Variants in MGST1 observed in about 807,000 individuals in gnomAD.
MGST1 encodes the protein microsomal glutathione S-transferase 1, also known as glutathione S-transferase 12.
A neutral mutation model predicts 8.9 loss-of-function variants in MGST1; 5 were observed. The observed-to-expected ratio is 0.56, with a 90% CI of 0.29 to 1.19. The LOEUF (loss-of-function observed/expected upper bound fraction) is 1.19. Ranked by LOEUF, MGST1 falls within the 50% of genes most tolerant of loss-of-function variation. The pLI, the probability that MGST1 is intolerant of heterozygous loss-of-function variation, is 0.08. For missense variants in MGST1, 182 were observed against 187.4 expected (o/e 0.97, Z 0.17); for synonymous variants, 54 against 67.8 (o/e 0.80, Z 1.00).
downstream of MGST1, chr12:16,438,773 T>C (rs561712420): frequency 6.6e-6 from 1 of 152,032 alleles, no homozygotes; most frequent in Non-Finnish European, 1.5e-5. Flanking sequence ...ACTAACTGTT[T>C]GCATGTCTTA....
intron 4 of MGST1, among the ~76,000 whole-genome samples, chr12:16,577,918 G>A (rs1943044051): frequency 6.6e-6 from 1 of 152,088 alleles, no homozygotes; most frequent in African/African-American, 2.4e-5. Context: ...GACATTTTTA[G>A]ACTAAAATAA....
chr12:16,351,376 G>C (rs1939455879), intron 1 of MGST1, among the ~76,000 whole-genome samples: 1 of 152,286 alleles, frequency 6.6e-6, no homozygotes, highest in Non-Finnish European at 1.5e-5. Flanking sequence ...TGCACTGAGA[G>C]CTAATCTAAC....
At chr12:16,349,326 T>A (rs4149190) in intron 1 of MGST1, among the ~76,000 whole-genome samples, 8,938 of 151,944 alleles carry the variant, frequency 0.059, 426 homozygotes, top group East Asian at 0.21. Flanking sequence ...AGGGCGTTCC[T>A]CAACTGAGAA....
At chr12:16,420,391 T>G (rs1940824813) in intron 1 of MGST1, among the ~76,000 whole-genome samples, 1 of 152,222 alleles carries the variant, frequency 6.6e-6, no homozygotes, top group Admixed American at 6.5e-5. Context: ...CTTATTCTCA[T>G]AATGAACTTT....
In MGST1 at chr12:16,413,924, TACAA is replaced by T. The variant is rs1376113266; in HGVS notation, n.779-23460_779-23457del. On this transcript the variant is annotated intron_variant and non_coding_transcript_variant, in intron 1 of 1. Coordinates refer to the MGST1 transcript ENST00000359720. This position sits in a 1 kb window ranked among gnomAD's most constrained non-coding sequence, Gnocchi z 4.0. The stretch of plus-strand genomic sequence containing the variant: ...ATGTGAATGTATATTATTTTCTTCT[TACAA>T]ACATAATATTAAGGCTTACTTTCTG... Among the ~76,000 whole-genome samples, 1 of 152,190 alleles carries T rather than the reference TACAA, an allele frequency of 6.6e-6. No individual in the cohort carries two copies. Among genetic ancestry groups the T allele is most frequent in the Non-Finnish European group, 1.5e-5 (1 of 68,034 alleles).
intron 1 of MGST1, among the ~76,000 whole-genome samples, chr12:16,424,731 A>C (rs1940870602): frequency 6.6e-6 from 1 of 152,224 alleles, no homozygotes; most frequent in African/African-American, 2.4e-5. Context: ...TAAATCTGGC[A>C]CAAGTTGAAC....
chr12:16,484,916 G>A (rs1171251559), intron 4 of MGST1, among the ~76,000 whole-genome samples: 1 of 152,124 alleles, frequency 6.6e-6, no homozygotes, highest in Non-Finnish European at 1.5e-5. Context: ...AAAGCAGATT[G>A]CACCTAAACC....
intron 4 of MGST1, among the ~76,000 whole-genome samples, chr12:16,568,707 A>G (rs995860188): frequency 6.6e-6 from 1 of 152,230 alleles, no homozygotes; most frequent in African/African-American, 2.4e-5. Flanking sequence ...TTCACCTTTA[A>G]AACACTTTCC....
chr12:16,426,083 A>T (rs1242112268), intron 1 of MGST1, among the ~76,000 whole-genome samples: 1 of 152,096 alleles, frequency 6.6e-6, no homozygotes, highest in Non-Finnish European at 1.5e-5. Context: ...CTCCTAATAG[A>T]TTTGGCTTTC....
At chr12:16,516,059 T>G (rs1021095269) in intron 4 of MGST1, among the ~76,000 whole-genome samples, 1 of 152,012 alleles carries the variant, frequency 6.6e-6, no homozygotes, top group African/African-American at 2.4e-5. Flanking sequence ...AAAAGAGAAT[T>G]TTATTTACTC....
chr12:16,450,297 A>G (rs1281888524), intron 4 of MGST1, among the ~76,000 whole-genome samples: 1 of 151,810 alleles, frequency 6.6e-6, no homozygotes, highest in African/African-American at 2.4e-5. Flanking sequence ...TCATCACATA[A>G]AGCAATATGT....
At chr12:16,475,980 T>C (rs1941320220) in intron 4 of MGST1, among the ~76,000 whole-genome samples, 1 of 151,726 alleles carries the variant, frequency 6.6e-6, no homozygotes, top group Admixed American at 6.6e-5. Context: ...AAATACATGA[T>C]CTTGACTAGA....
At chr12:16,566,625 A>G (rs1349297490) in intron 4 of MGST1, among the ~76,000 whole-genome samples, 1 of 152,186 alleles carries the variant, frequency 6.6e-6, no homozygotes, top group African/African-American at 2.4e-5. Flanking sequence ...TTAAAACCTT[A>G]GAGATTATTT....
intron 4 of MGST1, among the ~76,000 whole-genome samples, chr12:16,579,292 C>T (rs1943089377): frequency 6.6e-6 from 1 of 152,122 alleles, no homozygotes. Context: ...CAAATTTGTT[C>T]AGATAATTAT....
At chr12:16,572,361 T>G (rs1174635732) in intron 4 of MGST1, among the ~76,000 whole-genome samples, 1 of 135,556 alleles carries the variant, frequency 7.4e-6, no homozygotes, top group Non-Finnish European at 1.5e-5. Flanking sequence ...TTTTTTTTTT[T>G]GTAAAGAGCT....
intron 4 of MGST1, among the ~76,000 whole-genome samples, chr12:16,481,818 G>T (rs761124557): frequency 2.6e-5 from 4 of 152,158 alleles, no homozygotes; most frequent in African/African-American, 9.6e-5. Context: ...AGGGGGGTAT[G>T]GGGGGTAACA....
intron 4 of MGST1, among the ~76,000 whole-genome samples, chr12:16,518,517 AT>A (rs1200307280): frequency 6.6e-6 from 1 of 152,318 alleles, no homozygotes; most frequent in African/African-American, 2.4e-5. Flanking sequence ...TTTAAAAAAA[AT>A]GTTTTCCTCA....
intron 4 of MGST1, among the ~76,000 whole-genome samples, chr12:16,506,349 G>C (rs866836797): frequency 8.5e-5 from 13 of 152,128 alleles, no homozygotes; most frequent in South Asian, 4.1e-4. Context: ...TGGGCAGTAA[G>C]TTTGCCTGCC....
intron 1 of MGST1, among the ~76,000 whole-genome samples, chr12:16,397,880 C>G (rs1940619975): frequency 1.3e-5 from 2 of 148,810 alleles, no homozygotes; most frequent in Admixed American, 1.3e-4. Context: ...GTCAACTAAA[C>G]TAAATATGTA....
Sources: gnomAD v4.1 joint callset for allele counts (sites outside exome capture counted in the v4.1 genomes callset) on GRCh38, gnomAD v4.1.1 for gene constraint, Gnocchi (gnomAD v3.1) non-coding constraint, MANE v1.5 for transcripts, NCBI Gene and HGNC (gene_info 2026-07-23, HGNC 2026-07-21) for gene names.